Variants in ZNF423 observed in about 807,000 individuals in gnomAD.
ZNF423 encodes the protein Ebf-associated zinc finger protein.
Under a neutral mutation model 95.8 loss-of-function variants are expected in ZNF423, and 12 were observed. The ratio of observed to expected loss-of-function variants is 0.13; its 90% CI spans 0.08 to 0.20. The LOEUF is 0.20. Ranked by LOEUF, ZNF423 falls within the 10% of genes least tolerant of loss-of-function variation. ZNF423 has a pLI of 1.00. For missense variants in ZNF423, 1,316 were observed against 1,737.1 expected (o/e 0.76, Z 4.31); for synonymous variants, 749 against 711.9 (o/e 1.05, Z -0.83).
rs1391339444 is a variant in ZNF423, at chr16:49,603,412, G to A, written c.3601+22758C>T. ...TTTTATACCCTACTGTCACTGTCTA[G>A]ATTTTTTTTTTCTTCAGACGAAGTC... is the stretch of plus-strand genomic sequence containing the variant. On this transcript the variant is annotated intron_variant, in intron 5 of 7. Transcript: ENST00000563137. This position sits in a 1 kb window ranked among gnomAD's most constrained non-coding sequence, Gnocchi z 4.1. 6.6e-6 allele frequency among the ~76,000 whole-genome samples: 1 copy of A among 151,810 alleles called. No homozygotes were observed. Among genetic ancestry groups the A allele is most frequent in the African/African-American group, 2.4e-5 (1 of 41,174 alleles).
At chr16:49,712,787 A>T (rs1011009438) in intron 3 of ZNF423, among the ~76,000 whole-genome samples, 4 of 152,216 alleles carry the variant, frequency 2.6e-5, no homozygotes, top group Admixed American at 6.5e-5. Flanking sequence ...ACCACGTGTG[A>T]TGGAAATACA....
chr16:49,537,890 C>T (rs1337532998), intron 5 of ZNF423, among the ~76,000 whole-genome samples: 1 of 152,206 alleles, frequency 6.6e-6, no homozygotes, highest in Non-Finnish European at 1.5e-5. Flanking sequence ...ATACCATTTT[C>T]TCAGATGGTG....
At chr16:49,800,528 G>A (rs1360960064) in intron 1 of ZNF423, among the ~76,000 whole-genome samples, 1 of 152,026 alleles carries the variant, frequency 6.6e-6, no homozygotes, top group African/African-American at 2.4e-5. Context: ...AAAATCTTGG[G>A]TTTCTCTGTT....
At chr16:49,502,945 T>C (rs1040377172) in intron 7 of ZNF423, among the ~76,000 whole-genome samples, 8 of 112,980 alleles carry the variant, frequency 7.1e-5, no homozygotes, top group Non-Finnish European at 1.2e-4. Context: ...CACACACACA[T>C]GGATGCCCCA....
intron 1 of ZNF423, among the ~76,000 whole-genome samples, chr16:49,794,568 C>T (rs1434739815): frequency 6.6e-6 from 1 of 152,210 alleles, no homozygotes; most frequent in Non-Finnish European, 1.5e-5. Context: ...CACGTGCAGG[C>T]ATGCACACGC....
chr16:49,775,024 A>T (rs2034097463), intron 2 of ZNF423, among the ~76,000 whole-genome samples: 1 of 152,098 alleles, frequency 6.6e-6, no homozygotes, highest in Admixed American at 6.6e-5. Context: ...CAGCTGCCCC[A>T]CCAGCCCCCA....
intron 1 of ZNF423, among the ~76,000 whole-genome samples, chr16:49,807,174 G>A (rs995161756): frequency 6.6e-6 from 1 of 152,182 alleles, no homozygotes; most frequent in African/African-American, 2.4e-5. Context: ...GCTCACGCCT[G>A]TAATTCCAGC....
At chr16:49,763,421 C>T (rs909679069) in intron 2 of ZNF423, among the ~76,000 whole-genome samples, 2 of 152,112 alleles carry the variant, frequency 1.3e-5, no homozygotes, top group Non-Finnish European at 2.9e-5. Flanking sequence ...ACTACAGGTA[C>T]ATGCCACCAC....
At chr16:49,813,479 T>C (rs1322971814) in intron 1 of ZNF423, among the ~76,000 whole-genome samples, 3 of 152,116 alleles carry the variant, frequency 2.0e-5, no homozygotes, top group Admixed American at 6.5e-5. Context: ...CCAGTCAAAA[T>C]GCCCTGCCCT....
intron 3 of ZNF423, among the ~76,000 whole-genome samples, chr16:49,652,267 C>A (rs1461264424): frequency 2.0e-5 from 3 of 152,014 alleles, no homozygotes; most frequent in African/African-American, 7.3e-5. Flanking sequence ...GCAGCTCCAT[C>A]CCTTAGACAA....
intron 3 of ZNF423, among the ~76,000 whole-genome samples, chr16:49,679,973 G>C (rs562374025): frequency 6.6e-6 from 1 of 152,158 alleles, no homozygotes; most frequent in Non-Finnish European, 1.5e-5. Flanking sequence ...TACCCACTTC[G>C]GGTCTCCTGA....
At chr16:49,533,380 C>G (rs972127252) in intron 5 of ZNF423, among the ~76,000 whole-genome samples, 1 of 152,192 alleles carries the variant, frequency 6.6e-6, no homozygotes. Context: ...GCATTCACCC[C>G]AGGGTTTCCA....
chr16:49,581,297 C>T (rs778963904), intron 5 of ZNF423, among the ~76,000 whole-genome samples: 4 of 152,192 alleles, frequency 2.6e-5, no homozygotes, highest in Admixed American at 1.3e-4. Context: ...ATGTGCTATC[C>T]GAGGTAAACA....
At chr16:49,513,137 C>T (rs981217246) in intron 7 of ZNF423, among the ~76,000 whole-genome samples, 1 of 152,020 alleles carries the variant, frequency 6.6e-6, no homozygotes, top group Admixed American at 6.6e-5. Context: ...TGGGAGACTT[C>T]GGGGGGTCAG....
chr16:49,618,250 T>C (rs565070709), intron 5 of ZNF423, among the ~76,000 whole-genome samples: 2 of 152,264 alleles, frequency 1.3e-5, no homozygotes, highest in South Asian at 4.2e-4. Context: ...TCACAGGGTG[T>C]TGTGAGGGTG....
At chr16:49,686,703 C>A (rs749549405) in intron 3 of ZNF423, among the ~76,000 whole-genome samples, 4 of 112,730 alleles carry the variant, frequency 3.5e-5, no homozygotes, top group Non-Finnish European at 8.1e-5. Flanking sequence ...CCAAGGCAGA[C>A]CTCTTCTTCT....
chr16:49,677,463 GAGAAA>G (rs988992792), intron 3 of ZNF423, among the ~76,000 whole-genome samples: 3 of 151,288 alleles, frequency 2.0e-5, no homozygotes, highest in East Asian at 2.0e-4. Context: ...AAGAAGAGAA[GAGAAA>G]AGAAAAGGAA....
At chr16:49,580,206 C>T (rs976828750) in intron 5 of ZNF423, among the ~76,000 whole-genome samples, 1 of 152,158 alleles carries the variant, frequency 6.6e-6, no homozygotes, top group Non-Finnish European at 1.5e-5. Context: ...CTCCTGGGCT[C>T]TGCTGGCCTC....
At chr16:49,622,677 G>A (rs1972124928) in intron 5 of ZNF423, among the ~76,000 whole-genome samples, 1 of 152,168 alleles carries the variant, frequency 6.6e-6, no homozygotes, top group South Asian at 2.1e-4. Context: ...CCCTGGCAGG[G>A]GCTCCAAACA....
Sources: allele counts gnomAD v4.1 joint callset (sites outside exome capture counted in the v4.1 genomes callset), GRCh38; gene constraint gnomAD v4.1.1; non-coding constraint Gnocchi (gnomAD v3.1); transcripts MANE v1.5; gene names NCBI Gene and HGNC (gene_info 2026-07-23, HGNC 2026-07-21).